Variants in FAM117B observed in about 807,000 individuals in gnomAD.
FAM117B encodes the protein family with sequence similarity 117 member B.
FAM117B carries 22 observed loss-of-function variants against 52.8 expected under a neutral mutation model. The observed-to-expected ratio is 0.42, with a 90% CI of 0.30 to 0.59. FAM117B has a LOEUF of 0.59. Among genes scored for constraint, FAM117B ranks in the 20% least tolerant of loss-of-function variants. The probability of loss-of-function intolerance (pLI) is 0.22; values close to 1 mark genes in which losing one functional copy is unlikely to be tolerated. For missense variants in FAM117B, 678 were observed against 802.6 expected, an observed-to-expected ratio of 0.84 and a Z score of 1.88; for synonymous variants, 309 against 324.1, an observed-to-expected ratio of 0.95 and a Z score of 0.50.
chr2:202,687,672 TAGCA>T (rs1690565378), intron 1 of FAM117B, among the ~76,000 whole-genome samples: 1 of 152,178 alleles, frequency 6.6e-6, no homozygotes, highest in Non-Finnish European at 1.5e-5. Context: ...CAGCCTCCCA[TAGCA>T]TTGGGATTAC....
chr2:202,747,400 G>T (rs149719444), intron 4 of FAM117B, among the ~76,000 whole-genome samples: 1 of 152,028 alleles, frequency 6.6e-6, no homozygotes, highest in Non-Finnish European at 1.5e-5. Flanking sequence ...CAGTTATTCA[G>T]TATAGTACTG....
chr2:202,717,594 TC>T (rs1691079216), intron 2 of FAM117B, among the ~76,000 whole-genome samples: 2 of 152,176 alleles, frequency 1.3e-5, no homozygotes, highest in Admixed American at 6.5e-5. Flanking sequence ...TTGATGAAGA[TC>T]CAGAAGAATT....
In FAM117B at chr2:202,746,948, GAAAAAAAAACAAAACA is replaced by G. The variant is rs1157058991; in HGVS notation, c.961-8581_961-8566del. Among the ~76,000 whole-genome samples the G allele has an allele frequency of 4.7e-3, 672 of 143,706 alleles. 5 individuals are homozygous for G. Among genetic ancestry groups the G allele is most frequent in the African/African-American group, 0.016 (624 of 38,842 alleles). The allele number at this position is 143,706 out of a possible 152,430, so 94.3% of individuals were successfully genotyped here. On this transcript the variant is annotated intron_variant, in intron 4 of 7. Coordinates refer to ENST00000392238, the MANE Select transcript of FAM117B (RefSeq NM_173511.4). ...GACACAGGCACAACAGCCACCACCG[GAAAAAAAAACAAAACA>G]AAAAAAAACACAAAAACCCACTATG...
chr2:202,650,248 T>G (rs1190573214), intron 1 of FAM117B, among the ~76,000 whole-genome samples: 1 of 152,190 alleles, frequency 6.6e-6, no homozygotes, highest in African/African-American at 2.4e-5. Context: ...TGTTAACTGA[T>G]TAGATTTGGT....
intron 2 of FAM117B, among the ~76,000 whole-genome samples, chr2:202,698,117 A>G (rs890043529): frequency 6.6e-6 from 1 of 152,034 alleles, no homozygotes; most frequent in Non-Finnish European, 1.5e-5. Context: ...GTGATCTGCC[A>G]GCCTCCCAAA....
At chr2:202,645,795 G>A (rs1014054818) in intron 1 of FAM117B, among the ~76,000 whole-genome samples, 37 of 151,336 alleles carry the variant, frequency 2.4e-4, no homozygotes, top group African/African-American at 9.0e-4. Flanking sequence ...TAGTAGAGAC[G>A]GGGTTTTACC....
chr2:202,715,238 G>C (rs571405199), intron 2 of FAM117B, among the ~76,000 whole-genome samples: 65 of 151,828 alleles, frequency 4.3e-4, no homozygotes, highest in African/African-American at 1.5e-3. Context: ...CGGACGGGGC[G>C]GCTGGCCGGG....
chr2:202,750,476 G>A (rs1296988682), intron 4 of FAM117B, among the ~76,000 whole-genome samples: 1 of 152,036 alleles, frequency 6.6e-6, no homozygotes. Flanking sequence ...TCATGCCACT[G>A]CACTCCAGCC....
At chr2:202,717,068 G>A (rs923404086) in intron 2 of FAM117B, among the ~76,000 whole-genome samples, 5 of 152,176 alleles carry the variant, frequency 3.3e-5, no homozygotes, top group Admixed American at 6.5e-5. Flanking sequence ...GCTTATGGAT[G>A]CTAATCTGTG....
chr2:202,741,659 C>T lies in FAM117B; in HGVS notation c.961-13879C>T, dbSNP rs564023220. Among the ~76,000 whole-genome samples the T allele has an allele frequency of 2.0e-5, 3 of 151,962 alleles. No individual in the cohort carries two copies. The South Asian group carries it at 6.2e-4, about 32-fold the overall frequency. On this transcript the variant is annotated intron_variant, in intron 4 of 7. Coordinates refer to ENST00000392238, the MANE Select transcript of FAM117B (RefSeq NM_173511.4). ...TGATGCCATTCTCCTGCCTCAGCCT[C>T]CCAAGTAGCTGGGACTACAGGCGCC...
chr2:202,646,652 A>G (rs1252576637), intron 1 of FAM117B, among the ~76,000 whole-genome samples: 1 of 152,204 alleles, frequency 6.6e-6, no homozygotes, highest in Non-Finnish European at 1.5e-5. Flanking sequence ...CTCTAGTAAT[A>G]ATTTATGCTC....
chr2:202,722,060 G>C (rs1318296965), intron 2 of FAM117B, among the ~76,000 whole-genome samples: 5 of 142,560 alleles, frequency 3.5e-5, no homozygotes, highest in African/African-American at 1.3e-4. Context: ...GCCCGGGCTA[G>C]AGTGCAGTGG....
chr2:202,679,242 T>G (rs188167609), intron 1 of FAM117B, among the ~76,000 whole-genome samples: 1 of 152,290 alleles, frequency 6.6e-6, no homozygotes, highest in Non-Finnish European at 1.5e-5. Flanking sequence ...AGGTGAGCAC[T>G]ATGATTGCCT....
At chr2:202,704,636 G>A (rs1690845964) in intron 2 of FAM117B, among the ~76,000 whole-genome samples, 1 of 152,126 alleles carries the variant, frequency 6.6e-6, no homozygotes, top group South Asian at 2.1e-4. Flanking sequence ...ATCTTGCCCA[G>A]GCTAGAGTGC....
intron 1 of FAM117B, among the ~76,000 whole-genome samples, chr2:202,649,400 G>A (rs1216305805): frequency 6.6e-6 from 1 of 152,110 alleles, no homozygotes; most frequent in African/African-American, 2.4e-5. Flanking sequence ...GAATGATGGT[G>A]TGTTGTCTAA....
At chr2:202,700,798 G>T (rs1364660479) in intron 2 of FAM117B, among the ~76,000 whole-genome samples, 1 of 151,284 alleles carries the variant, frequency 6.6e-6, no homozygotes, top group African/African-American at 2.4e-5. Flanking sequence ...GGCTCAATCA[G>T]TCCTCTTGCC....
In FAM117B at chr2:202,759,401, T is replaced by G. The variant is rs753045126; in HGVS notation, c.1451+48T>G. On this transcript the variant is annotated intron_variant, in intron 7 of 7. Transcript: ENST00000392238. ...CCACAAAAAAACTATTATGAGCTTT[T>G]TTTTTTGAGATAGGATCTCACTCTG... The G allele has an allele frequency of 2.5e-6, 4 of 1,588,634 alleles. No homozygotes were observed. In the Admixed American group the frequency reaches 7.4e-5, roughly 29 times the overall value.
intron 2 of FAM117B, among the ~76,000 whole-genome samples, chr2:202,706,790 G>C (rs1246027858): frequency 1.3e-5 from 2 of 152,172 alleles, no homozygotes; most frequent in Non-Finnish European, 2.9e-5. Flanking sequence ...AATGTAACAG[G>C]AGTGAGTAGA....
At chr2:202,681,442 A>G (rs1690461045) in intron 1 of FAM117B, among the ~76,000 whole-genome samples, 2 of 152,218 alleles carry the variant, frequency 1.3e-5, no homozygotes, top group African/African-American at 4.8e-5. Context: ...TTTAAAGTAT[A>G]AAGATGGAAT....
Sources: gnomAD v4.1 joint callset for allele counts (sites outside exome capture counted in the v4.1 genomes callset) on GRCh38, gnomAD v4.1.1 for gene constraint, MANE v1.5 for transcripts, NCBI Gene and HGNC (gene_info 2026-07-23, HGNC 2026-07-21) for gene names.